MEAK7: variants seen among roughly 807,000 people sequenced by gnomAD.
The protein encoded by MEAK7 is MTOR associated protein MEAK7.
In MEAK7, 68 loss-of-function variants were observed where a neutral mutation model predicts 40.5. The ratio of observed to expected loss-of-function variants is 1.68; its 90% CI spans 1.38 to 2.06. The LOEUF (loss-of-function observed/expected upper bound fraction) is 2.06. Ranked by LOEUF, MEAK7 falls within the 30% of genes most tolerant of loss-of-function variation. The pLI is 0.00. For missense variants in MEAK7, 918 were observed against 580.5 expected (o/e 1.58, Z -5.98); for synonymous variants, 338 against 231.9 (o/e 1.46, Z -4.16).
In MEAK7 at chr16:84,477,753, T is replaced by G. The variant is rs534162911; in HGVS notation, c.*2160A>C. On this transcript the variant is annotated 3_prime_UTR_variant, in exon 8 of 8. Transcript: ENST00000343629. ...TTTCTCAGAGCCAGGTAAGGTACTG[T>G]CAGGTCCACTGGCCCCAGCCCTGCA... 3.3e-5 allele frequency: 5 copies of G among 152,222 alleles called. No individual in the cohort carries two copies. In the East Asian group the frequency reaches 9.7e-4, roughly 29 times the overall value. The allele number at this position is 152,222 out of a possible 1,614,324, so 9.4% of individuals were successfully genotyped here. A position where few individuals can be genotyped will look rare whatever the true frequency, so the allele number is the denominator to read the frequency against.
In MEAK7 at chr16:84,476,732, T is replaced by C. The variant is rs1171914256; in HGVS notation, c.*3181A>G. The C allele has an allele frequency of 6.6e-6, 1 of 152,188 alleles. No homozygotes were observed. The highest frequency in any genetic ancestry group is 6.5e-5 in the Admixed American group (1 of 15,278). The allele number at this position is 152,188 out of a possible 1,614,324, so 9.4% of individuals were successfully genotyped here. On this transcript the variant is annotated 3_prime_UTR_variant, in exon 8 of 8. Transcript: ENST00000343629. ...AGAAAGCGAGGGACACATCAGTGTG[T>C]AAAAGACAGTGATGCCCAGGTGTGC...
intron 7 of MEAK7, 92 bp from the exon 8 acceptor site, chr16:84,480,118 T>C: frequency 1.9e-6 from 2 of 1,061,226 alleles, no homozygotes; most frequent in South Asian, 1.7e-5. Flanking sequence ...TTGGGTGGAA[T>C]CAGGCTCCGG....
chr16:84,504,557 C>A, intron 1 of MEAK7, 44 bp downstream of exon 1: 2 of 977,842 alleles, frequency 2.0e-6, no homozygotes, highest in Non-Finnish European at 2.4e-6. Context: ...GCTGGGCCTG[C>A]GCCTCTGGGT....
At chr16:84,497,474 C>G in intron 2 of MEAK7, 1 of 1,289,966 alleles carries the variant, frequency 7.8e-7, no homozygotes, top group Non-Finnish European at 1.0e-6. Flanking sequence ...CCGACGAGTC[C>G]AGGAGGGCAG....
At chr16:84,480,248 G>C (rs769739988) in intron 7 of MEAK7, among the ~76,000 whole-genome samples, 5 of 152,084 alleles carry the variant, frequency 3.3e-5, no homozygotes, top group Admixed American at 6.5e-5. Flanking sequence ...AGGAACCCTA[G>C]ACATTCCTCC....
At chr16:84,499,258 G>T (rs1406191704) in intron 1 of MEAK7, among the ~76,000 whole-genome samples, 2 of 152,198 alleles carry the variant, frequency 1.3e-5, no homozygotes, top group Non-Finnish European at 2.9e-5. Flanking sequence ...CTCTCAAGAG[G>T]TAAGGTGCTG....
intron 4 of MEAK7, among the ~76,000 whole-genome samples, chr16:84,489,030 G>C (rs897898806): frequency 2.6e-5 from 4 of 152,196 alleles, no homozygotes; most frequent in Admixed American, 6.5e-5. Flanking sequence ...AAACCCTTTA[G>C]CTAGACTAAG....
At chr16:84,486,554 C>T (rs1047339455) in intron 5 of MEAK7, 77 bp downstream of exon 5, 1 of 1,511,900 alleles carries the variant, frequency 6.6e-7, no homozygotes, top group Non-Finnish European at 8.8e-7. Flanking sequence ...CTATTTAGCA[C>T]CCCCACCCTC....
intron 6 of MEAK7, among the ~76,000 whole-genome samples, chr16:84,481,555 A>G (rs1912545084): frequency 6.6e-6 from 1 of 152,170 alleles, no homozygotes; most frequent in Admixed American, 6.5e-5. Context: ...CAGTGTGGTA[A>G]GCCTGGGAAG....
At chr16:84,482,481 G>A in intron 6 of MEAK7, 111 bp downstream of exon 6, 5 of 1,540,550 alleles carry the variant, frequency 3.2e-6, no homozygotes, top group Admixed American at 1.7e-5. Context: ...GCGTGCGTGA[G>A]GAACTGAATG....
chr16:84,499,167 CATT>C (rs1245891185), intron 1 of MEAK7, among the ~76,000 whole-genome samples: 1 of 152,126 alleles, frequency 6.6e-6, no homozygotes, highest in Non-Finnish European at 1.5e-5. Context: ...TCACAAACCT[CATT>C]ATAGGAAAAG....
chr16:84,486,374 C>A, intron 5 of MEAK7: 3 of 1,156,270 alleles, frequency 2.6e-6, no homozygotes, highest in Non-Finnish European at 3.3e-6. Flanking sequence ...TCTCCCACGC[C>A]CCATAGACCC....
intron 5 of MEAK7, among the ~76,000 whole-genome samples, chr16:84,483,103 G>A (rs1033212005): frequency 1.3e-5 from 2 of 152,212 alleles, no homozygotes; most frequent in Admixed American, 1.3e-4. Context: ...CAGCCTACCT[G>A]AGCAGGCAAG....
chr16:84,480,841 C>G, intron 6 of MEAK7, 133 bp from the exon 7 acceptor site: 1 of 963,030 alleles, frequency 1.0e-6, no homozygotes. Context: ...ATGCCATCAT[C>G]TTGTTTTCCT....
intron 2 of MEAK7, chr16:84,497,436 G>A: frequency 7.8e-7 from 1 of 1,289,090 alleles, no homozygotes; most frequent in Non-Finnish European, 1.0e-6. Flanking sequence ...AGAGGCAACG[G>A]TGCACCTGAC....
chr16:84,482,654 T>C lies in MEAK7; in HGVS notation c.1015A>G (p.Thr339Ala), dbSNP rs768669104. 3 of 1,613,924 alleles carry C rather than the reference T, an allele frequency of 1.9e-6. No homozygotes were observed. Among genetic ancestry groups the C allele is most frequent in the African/African-American group, 2.7e-5 (2 of 74,926 alleles). Reference sequence around the variant, plus strand: ...TACATGTAGTGGTCGTTGTAGCCCGTGTGTGTGTACACAGCCATGCTGGGG... The same window carrying C: ...TACATGTAGTGGTCGTTGTAGCCCGCGTGTGTGTACACAGCCATGCTGGGG... Reference protein sequence around the residue: ...ICPSMAVYTHTGYNDHYMYLN... With the variant: ...ICPSMAVYTHAGYNDHYMYLN... Residue 339 changes from threonine to alanine, a missense_variant, in exon 6 of 8, where the codon ACG becomes GCG. Coordinates refer to ENST00000343629, the MANE Select transcript of MEAK7 (RefSeq NM_020947.4).
chr16:84,503,078 C>G (rs425027), intron 1 of MEAK7, among the ~76,000 whole-genome samples: 69,410 of 152,058 alleles, frequency 0.46, 17,712 homozygotes, highest in Non-Finnish European at 0.58. Context: ...GCTATCTAAC[C>G]AGGTTTAATG....
intron 1 of MEAK7, among the ~76,000 whole-genome samples, chr16:84,500,629 T>C (rs1914420645): frequency 6.6e-6 from 1 of 152,112 alleles, no homozygotes; most frequent in East Asian, 1.9e-4. Flanking sequence ...GTTTGGGTGC[T>C]CACCCACGCC....
intron 3 of MEAK7, among the ~76,000 whole-genome samples, chr16:84,492,157 G>T (rs568451403): frequency 6.6e-6 from 1 of 152,248 alleles, no homozygotes; most frequent in African/African-American, 2.4e-5. Context: ...TGTAAGGGCC[G>T]ATTTTGAGAG....
Sources: gnomAD v4.1 joint callset for allele counts (sites outside exome capture counted in the v4.1 genomes callset) on GRCh38, gnomAD v4.1.1 for gene constraint, MANE v1.5 for transcripts, NCBI Gene and HGNC (gene_info 2026-07-23, HGNC 2026-07-21) for gene names.